Variants in AGBL1 observed in about 807,000 individuals in gnomAD.
AGBL1 encodes the protein cytosolic carboxypeptidase 4.
Under a neutral mutation model 118.9 loss-of-function variants are expected in AGBL1, and 130 were observed. The observed-to-expected ratio is 1.09, with a 90% CI of 0.95 to 1.26. The LOEUF (loss-of-function observed/expected upper bound fraction) is 1.26. Ranked by LOEUF, AGBL1 falls within the 50% of genes most tolerant of loss-of-function variation. AGBL1 has a pLI of 0.00. For missense variants in AGBL1, 1,584 were observed against 1,298.1 expected (o/e 1.22, Z -3.38); for synonymous variants, 555 against 478.9 (o/e 1.16, Z -2.08).
At chr15:86,348,652 C>T (rs952568188) in intron 17 of AGBL1, among the ~76,000 whole-genome samples, 1 of 152,058 alleles carries the variant, frequency 6.6e-6, no homozygotes, top group Non-Finnish European at 1.5e-5. Flanking sequence ...ATGGTGCACA[C>T]CAGTAATCCC....
rs1210847316 is a variant in AGBL1 at position 86,907,168 on chromosome 15, C to T, written c.3240C>T (p.Asp1080=). 3 of 152,200 alleles carry T rather than the reference C, an allele frequency of 2.0e-5. No individual in the cohort carries two copies. The allele number at this position is 152,200 out of a possible 1,614,324, so 9.4% of individuals were successfully genotyped here. A position where few individuals can be genotyped will look rare whatever the true frequency, so the allele number is the denominator to read the frequency against. The part of the protein sequence containing the change: ...ACLEEIDYST[D]NSSDQEGSLS... The stretch of plus-strand genomic sequence containing the variant: ...TGGAGGAGATTGATTACAGTACCGA[C>T]AACAGCTCAGACCAGGAAGGGAGCT... The change falls in exon 23 of 23, where the codon GAC becomes GAT. Residue 1080 remains aspartate (D), a synonymous_variant. Coordinates refer to ENST00000614907, the MANE Select transcript of AGBL1 (RefSeq NM_001386094.1).
chr15:86,885,148 T>C (rs964213454), intron 22 of AGBL1, among the ~76,000 whole-genome samples: 1 of 152,150 alleles, frequency 6.6e-6, no homozygotes, highest in Non-Finnish European at 1.5e-5. Flanking sequence ...TTCTTTGTTA[T>C]GATTCTTATA....
Position 86,914,056 on chromosome 15 carries a change from TA to T in AGBL1, c.*6765del, listed in dbSNP as rs796249046. The T allele has an allele frequency of 2.6e-5, 4 of 152,298 alleles. No homozygotes were observed. Among genetic ancestry groups the T allele is most frequent in the African/African-American group, 9.6e-5 (4 of 41,560 alleles). 9.4% of individuals were successfully genotyped at this position (152,298 alleles called of 1,614,324 possible). ...GCATAATTATTTGGAGCTATTCAGT[TA>T]AAGTGTCTGAGTGTAGCCCTGGTCT... On this transcript the variant is annotated 3_prime_UTR_variant, in exon 23 of 23. Coordinates refer to ENST00000614907, the MANE Select transcript of AGBL1 (RefSeq NM_001386094.1).
intron 22 of AGBL1, among the ~76,000 whole-genome samples, chr15:86,695,874 T>C (rs1422634753): frequency 6.6e-6 from 1 of 151,792 alleles, no homozygotes; most frequent in African/African-American, 2.4e-5. Flanking sequence ...CTTGAGCAGG[T>C]TATTTAATTT....
chr15:86,172,492 A>G (rs1479219111), intron 5 of AGBL1, among the ~76,000 whole-genome samples: 2 of 152,064 alleles, frequency 1.3e-5, no homozygotes, highest in South Asian at 2.1e-4. Flanking sequence ...ACATTAACCG[A>G]TTTCTCTTCT....
intron 5 of AGBL1, among the ~76,000 whole-genome samples, chr15:86,206,760 T>C (rs1378919375): frequency 6.6e-6 from 1 of 152,236 alleles, no homozygotes; most frequent in African/African-American, 2.4e-5. Flanking sequence ...TTCTGTAGGT[T>C]GCCTGTTCAC....
intron 22 of AGBL1, among the ~76,000 whole-genome samples, chr15:86,843,833 T>G (rs1300203365): frequency 6.6e-6 from 1 of 152,158 alleles, no homozygotes; most frequent in East Asian, 1.9e-4. Context: ...AGAATCCAGT[T>G]TTAGAATACA....
Position 86,721,376 on chromosome 15 carries a change from TA to T in AGBL1, c.3158+46943del, listed in dbSNP as rs531696908. Among the ~76,000 whole-genome samples, 540 of 152,240 alleles carry T rather than the reference TA, an allele frequency of 3.5e-3. 1 individual carries two copies. Among genetic ancestry groups the T allele is most frequent in the Non-Finnish European group, 5.8e-3 (393 of 68,024 alleles). On this transcript the variant is annotated intron_variant, in intron 22 of 22. Coordinates refer to ENST00000614907, the MANE Select transcript of AGBL1 (RefSeq NM_001386094.1). The stretch of plus-strand genomic sequence containing the variant: ...AAATCAATAAACATAATCCAGCATA[TA>T]AACAGAACCAAAGACAAAAACCATA...
At chr15:86,541,593 CAAAAAAAAAAAA>C (rs34178328) in intron 19 of AGBL1, among the ~76,000 whole-genome samples, 1 of 58,214 alleles carries the variant, frequency 1.7e-5, no homozygotes, top group Admixed American at 2.4e-4. Context: ...GACTATGTCT[CAAAAAAAAAAAA>C]AAAAAAAAAA....
chr15:86,689,577 T>G (rs1365872730), intron 22 of AGBL1, among the ~76,000 whole-genome samples: 1 of 152,118 alleles, frequency 6.6e-6, no homozygotes, highest in African/African-American at 2.4e-5. Flanking sequence ...ATGCAATTGT[T>G]GTTCATTGAT....
chr15:86,980,822 A>ATTTCAT (rs1029928962), intron 23 of AGBL1, among the ~76,000 whole-genome samples: 5 of 151,708 alleles, frequency 3.3e-5, no homozygotes, highest in African/African-American at 1.2e-4. Flanking sequence ...AACATAATTA[A>ATTTCAT]TTTCATGATC....
At chr15:86,668,599 T>G (rs2085687500) in intron 21 of AGBL1, among the ~76,000 whole-genome samples, 1 of 152,198 alleles carries the variant, frequency 6.6e-6, no homozygotes, top group Admixed American at 6.5e-5. Flanking sequence ...TGTGCATGTT[T>G]ACAGAGGATG....
chr15:86,659,968 G>A (rs1437183404), intron 21 of AGBL1, among the ~76,000 whole-genome samples: 3 of 151,940 alleles, frequency 2.0e-5, no homozygotes, highest in African/African-American at 7.3e-5. Context: ...CCCTGCTCAT[G>A]GACTTTGGGG....
chr15:86,770,699 T>C (rs2078164980), intron 22 of AGBL1, among the ~76,000 whole-genome samples: 1 of 151,916 alleles, frequency 6.6e-6, no homozygotes, highest in African/African-American at 2.4e-5. Context: ...GAGGGTATCG[T>C]AGGAGCAAGC....
At chr15:86,700,101 A>C (rs1318409288) in intron 22 of AGBL1, among the ~76,000 whole-genome samples, 1 of 151,064 alleles carries the variant, frequency 6.6e-6, no homozygotes, top group Non-Finnish European at 1.5e-5. Context: ...TTCAAGGATT[A>C]CTCTTTTCTT....
intron 22 of AGBL1, among the ~76,000 whole-genome samples, chr15:86,776,750 A>ATGTGTGTG (rs10570012): frequency 1.4e-5 from 2 of 139,640 alleles, no homozygotes; most frequent in African/African-American, 5.2e-5. Flanking sequence ...ATATATATAT[A>ATGTGTGTG]TGTGTGTGTG....
At chr15:86,278,392 A>C (rs935247337) in intron 15 of AGBL1, among the ~76,000 whole-genome samples, 12 of 152,226 alleles carry the variant, frequency 7.9e-5, no homozygotes, top group African/African-American at 2.9e-4. Flanking sequence ...TAAAGGTATC[A>C]GGCCATAGTC....
chr15:86,948,340 AAT>A (rs745839046), intron 23 of AGBL1, among the ~76,000 whole-genome samples: 19 of 152,390 alleles, frequency 1.2e-4, no homozygotes, highest in East Asian at 1.9e-4. Flanking sequence ...AAAAATAAAA[AAT>A]AGTCATTAGA....
At chr15:86,169,279 T>C (rs1030858850) in intron 5 of AGBL1, among the ~76,000 whole-genome samples, 3 of 152,176 alleles carry the variant, frequency 2.0e-5, no homozygotes, top group Non-Finnish European at 1.5e-5. Context: ...GGTATTTAGC[T>C]GGATATGCAA....
Sources: gnomAD v4.1 joint callset for allele counts (sites outside exome capture counted in the v4.1 genomes callset) on GRCh38, gnomAD v4.1.1 for gene constraint, MANE v1.5 for transcripts, NCBI Gene and HGNC (gene_info 2026-07-23, HGNC 2026-07-21) for gene names.